GRIA3: variants seen among roughly 807,000 people sequenced by gnomAD.
The protein encoded by GRIA3 is glutamate ionotropic receptor AMPA type subunit 3.
In GRIA3, 3 loss-of-function variants were observed where a neutral mutation model predicts 63.0. The observed-to-expected ratio is 0.05, with a 90% CI of 0.02 to 0.12. The LOEUF (loss-of-function observed/expected upper bound fraction) is 0.12, where lower values mean the gene tolerates loss of function less well. Ranked by LOEUF, GRIA3 falls within the 10% of genes least tolerant of loss-of-function variation. The probability of loss-of-function intolerance (pLI) is 1.00; values close to 1 mark genes in which losing one functional copy is unlikely to be tolerated. For missense variants in GRIA3, 347 were observed against 700.9 expected, an observed-to-expected ratio of 0.50 and a Z score of 5.70; for synonymous variants, 274 against 257.9, an observed-to-expected ratio of 1.06 and a Z score of -0.60.
At chrX:123,193,249 C>T (rs764254347) in intron 2 of GRIA3, among the ~76,000 whole-genome samples, 51 of 109,532 alleles carry the variant, frequency 4.7e-4, no homozygotes, top group Non-Finnish European at 8.5e-4. Flanking sequence ...CTCATGAGCC[C>T]GGGTGACACT....
At chrX:123,445,917 T>C (rs1364268677) in intron 12 of GRIA3, among the ~76,000 whole-genome samples, 1 of 112,285 alleles carries the variant, frequency 8.9e-6, no homozygotes, top group Non-Finnish European at 1.9e-5. Context: ...GGCACAGCTT[T>C]TTTTTAGGAA....
intron 2 of GRIA3, among the ~76,000 whole-genome samples, chrX:123,200,608 T>TACACACACACAC (rs200626306): frequency 3.3e-4 from 25 of 76,370 alleles, no homozygotes; most frequent in African/African-American, 9.4e-4. Flanking sequence ...CACACATACA[T>TACACACACACAC]ACACACACAC....
At chrX:123,247,340 C>T (rs1231695021) in intron 2 of GRIA3, among the ~76,000 whole-genome samples, 1 of 111,069 alleles carries the variant, frequency 9.0e-6, no homozygotes, top group Non-Finnish European at 1.9e-5. Flanking sequence ...AATTTGGTGC[C>T]ACACTGTACA....
In GRIA3 at chrX:123,252,053, G is replaced by A. The variant is rs181600002; in HGVS notation, c.269-1250G>A. Among the ~76,000 whole-genome samples the A allele has an allele frequency of 4.5e-5, 5 of 111,335 alleles. No homozygotes were observed. The East Asian group carries it at 1.4e-3, about 32-fold the overall frequency. ...GCTTTCAATACCTTCTTTATTTTTG[G>A]TGCTCAACGTCTTCACTGTTTCTCC... On this transcript the variant is annotated intron_variant, in intron 2 of 15. Transcript: ENST00000620443.
At chrX:123,487,597 C>A (rs986770727) in intron 15 of GRIA3, among the ~76,000 whole-genome samples, 1 of 111,811 alleles carries the variant, frequency 8.9e-6, no homozygotes, top group African/African-American at 3.3e-5. Context: ...GATAATAGTT[C>A]ATTTGACCCC....
At chrX:123,487,756 C>T (rs1251742998) in intron 15 of GRIA3, among the ~76,000 whole-genome samples, 6 of 111,586 alleles carry the variant, frequency 5.4e-5, no homozygotes, top group Non-Finnish European at 1.1e-4. Context: ...TTCTGCGATA[C>T]ATATGACTCA....
At chrX:123,253,224 T>C in intron 2 of GRIA3, 79 bp from the exon 3 acceptor site, 1 of 1,120,146 alleles carries the variant, frequency 8.9e-7, no homozygotes, top group South Asian at 1.8e-5. Context: ...GGCCTAATTG[T>C]ACATTGTATT....
intron 4 of GRIA3, among the ~76,000 whole-genome samples, chrX:123,340,582 GTGTTT>G (rs2045002376): frequency 8.9e-6 from 1 of 112,405 alleles, no homozygotes; most frequent in African/African-American, 3.2e-5. Context: ...AGGGTGTTTT[GTGTTT>G]TGTTAACTGT....
chrX:123,353,613 T>C (rs1216673602), intron 4 of GRIA3, among the ~76,000 whole-genome samples: 3 of 112,215 alleles, frequency 2.7e-5, no homozygotes. Context: ...CTAAACCCTT[T>C]AATAGCTGCA....
At chrX:123,269,746 A>T (rs2044509232) in intron 3 of GRIA3, among the ~76,000 whole-genome samples, 2 of 111,940 alleles carry the variant, frequency 1.8e-5, no homozygotes, top group Non-Finnish European at 3.8e-5. Flanking sequence ...AATCCTAACT[A>T]CATAGCCAGC....
At chrX:123,463,698 GAAAA>G (rs1491326302) in intron 12 of GRIA3, among the ~76,000 whole-genome samples, 1 of 44,005 alleles carries the variant, frequency 2.3e-5, no homozygotes, top group Non-Finnish European at 4.0e-5. Flanking sequence ...GAGAAAGAAA[GAAAA>G]AGAAAGAAAG....
chrX:123,351,788 A>G (rs957342187), intron 4 of GRIA3, among the ~76,000 whole-genome samples: 3 of 112,258 alleles, frequency 2.7e-5, no homozygotes, highest in Non-Finnish European at 3.8e-5. Flanking sequence ...AAGGCACTGA[A>G]AGCAAGGATG....
At chrX:123,204,713 T>G in intron 2 of GRIA3, 3 of 933,178 alleles carry the variant, frequency 3.2e-6, no homozygotes, top group African/African-American at 3.9e-5. Flanking sequence ...GGTGTATTTT[T>G]GGGAGTTGAG....
At chrX:123,466,023 T>C (rs780728828) in intron 13 of GRIA3, among the ~76,000 whole-genome samples, 69 of 111,928 alleles carry the variant, frequency 6.2e-4, no homozygotes, top group African/African-American at 2.1e-3. Context: ...ACCCTTTCCC[T>C]TCCTTTACCC....
chrX:123,458,228 G>A lies in GRIA3; in HGVS notation c.2077-6637G>A, dbSNP rs770071860. Among the ~76,000 whole-genome samples the A allele has an allele frequency of 1.2e-4, 13 of 108,920 alleles. 1 individual carries two copies. Among genetic ancestry groups the A allele is most frequent in the South Asian group, 4.2e-4 (1 of 2,364 alleles). The allele number at this position is 108,920 out of a possible 115,157, so 94.6% of individuals were successfully genotyped here. ...GTGCCAGGCATCATGCTACACACCC[G>A]TGGTGCGGTGACAAAAAAAGACATG... On this transcript the variant is annotated intron_variant, in intron 12 of 15. Transcript: ENST00000620443.
At chrX:123,439,715 A>G (rs2045663160) in intron 12 of GRIA3, among the ~76,000 whole-genome samples, 1 of 111,342 alleles carries the variant, frequency 9.0e-6, no homozygotes, top group African/African-American at 3.3e-5. Context: ...CTAATACCTA[A>G]ATCCAATAAG....
At chrX:123,390,490 C>T (rs1296605324) in intron 5 of GRIA3, among the ~76,000 whole-genome samples, 1 of 111,833 alleles carries the variant, frequency 8.9e-6, no homozygotes, top group African/African-American at 3.2e-5. Context: ...TGGCCTATAA[C>T]ATTTCTGCTG....
chrX:123,465,405 A>G (rs2045829076), intron 13 of GRIA3, among the ~76,000 whole-genome samples: 1 of 111,441 alleles, frequency 9.0e-6, no homozygotes, highest in Non-Finnish European at 1.9e-5. Context: ...ATGGTGCCAT[A>G]TGTGACGAAT....
chrX:123,287,834 T>C (rs181579197), intron 3 of GRIA3, among the ~76,000 whole-genome samples: 312 of 111,854 alleles, frequency 2.8e-3, no homozygotes, highest in Non-Finnish European at 4.7e-3. Context: ...AAAATGGCCA[T>C]ATTGCCCAAA....
Sources: allele counts gnomAD v4.1 joint callset (sites outside exome capture counted in the v4.1 genomes callset), GRCh38; gene constraint gnomAD v4.1.1; transcripts MANE v1.5; gene names NCBI Gene and HGNC (gene_info 2026-07-23, HGNC 2026-07-21).